BLVRB: variants seen among roughly 807,000 people sequenced by gnomAD.
The protein encoded by BLVRB is biliverdin reductase B, also known as flavin reductase (NADPH).
A neutral mutation model predicts 21.1 loss-of-function variants in BLVRB; 25 were observed. The ratio of observed to expected loss-of-function variants is 1.19; its 90% CI spans 0.86 to 1.66. The LOEUF is 1.66. Ranked by LOEUF, BLVRB falls within the 40% of genes most tolerant of loss-of-function variation. The pLI, the probability that BLVRB is intolerant of heterozygous loss-of-function variation, is 0.00. For missense variants in BLVRB, 274 were observed against 282.7 expected, an observed-to-expected ratio of 0.97 and a Z score of 0.22; for synonymous variants, 128 against 122.2, an observed-to-expected ratio of 1.05 and a Z score of -0.31.
At chr19:40,451,217 C>T in intron 4 of BLVRB, 147 bp downstream of exon 4, 1 of 1,219,164 alleles carries the variant, frequency 8.2e-7, no homozygotes, top group South Asian at 1.5e-5. Context: ...TGCCAGGAAA[C>T]AGGGACAAAG....
At chr19:40,449,953 A>T (rs889745801) in intron 4 of BLVRB, among the ~76,000 whole-genome samples, 1 of 151,478 alleles carries the variant, frequency 6.6e-6, no homozygotes, top group Non-Finnish European at 1.5e-5. Flanking sequence ...TAATCCCAGC[A>T]CTTTGGGAGG....
intron 1 of BLVRB, among the ~76,000 whole-genome samples, 171 bp from the exon 2 acceptor site, chr19:40,458,716 C>T (rs918105365): frequency 6.6e-6 from 1 of 152,064 alleles, no homozygotes; most frequent in Non-Finnish European, 1.5e-5. Flanking sequence ...GTTTTTGAGA[C>T]AGGGTCTTGC....
chr19:40,454,585 A>G (rs968071755), intron 3 of BLVRB, among the ~76,000 whole-genome samples: 2 of 149,546 alleles, frequency 1.3e-5, no homozygotes, highest in East Asian at 2.0e-4. Context: ...TCGCTCTGTC[A>G]CCCAGGCTGG....
intron 3 of BLVRB, among the ~76,000 whole-genome samples, chr19:40,454,264 G>T (rs1473960344): frequency 6.8e-6 from 1 of 147,022 alleles, no homozygotes; most frequent in Non-Finnish European, 1.5e-5. Context: ...GAGTAGCTGG[G>T]ATTACAGGCG....
intron 1 of BLVRB, among the ~76,000 whole-genome samples, chr19:40,460,039 C>A (rs1387260249): frequency 2.6e-5 from 4 of 152,046 alleles, no homozygotes; most frequent in Non-Finnish European, 5.9e-5. Context: ...AGCCTTACTG[C>A]TGGGAAGCCC....
At chr19:40,451,768 G>A (rs2079741266) in intron 3 of BLVRB, among the ~76,000 whole-genome samples, 1 of 152,034 alleles carries the variant, frequency 6.6e-6, no homozygotes, top group Admixed American at 6.6e-5. Context: ...CCTGACCTCA[G>A]GTGATCCACC....
In BLVRB at chr19:40,448,515, A is replaced by T. The variant is rs778656870; in HGVS notation, c.464-469T>A. ...CTGAGGCTGGAGAATTGCTTGAGCC[A>T]GGGAAGTTGAAGCTACAGTGAGCCA... On this transcript the variant is annotated intron_variant, in intron 4 of 4. Transcript: ENST00000263368. Among the ~76,000 whole-genome samples the T allele has an allele frequency of 6.6e-5, 10 of 151,472 alleles. No homozygotes were observed. The East Asian group carries it at 1.2e-3, about 18-fold the overall frequency.
intron 1 of BLVRB, among the ~76,000 whole-genome samples, chr19:40,464,905 G>A (rs533851363): frequency 1.3e-5 from 2 of 152,132 alleles, no homozygotes; most frequent in Non-Finnish European, 2.9e-5. Flanking sequence ...GGGCTGTGGG[G>A]GCAGGGAGTG....
At position 40,447,832 on chromosome 19, in the gene BLVRB, C is replaced by T; in HGVS notation, c.*57G>A. ...AAGCTCTTGGCTCAACATTTATTGC[C>T]CCCTTCCTTTGCTCCTCATGTCCCA... On this transcript the variant is annotated 3_prime_UTR_variant, in exon 5 of 5. Coordinates refer to ENST00000263368, the MANE Select transcript of BLVRB (RefSeq NM_000713.3). 2 of 1,573,904 alleles carry T rather than the reference C, an allele frequency of 1.3e-6. No homozygotes were observed. The highest frequency in any genetic ancestry group is 2.3e-5 in the South Asian group (2 of 88,376).
chr19:40,454,417 T>C (rs1424172253), intron 3 of BLVRB, among the ~76,000 whole-genome samples: 1 of 151,844 alleles, frequency 6.6e-6, no homozygotes, highest in Non-Finnish European at 1.5e-5. Flanking sequence ...CGTGAGCCAC[T>C]GCGCCTGGTC....
At chr19:40,448,477 A>G (rs560755811) in intron 4 of BLVRB, among the ~76,000 whole-genome samples, 110 of 151,814 alleles carry the variant, frequency 7.2e-4, no homozygotes, top group South Asian at 1.2e-3. Context: ...TGTAGTCCCA[A>G]CTACTCAGGA....
intron 3 of BLVRB, 93 bp downstream of exon 3, chr19:40,458,062 A>G (rs918050974): frequency 3.2e-6 from 4 of 1,232,380 alleles, no homozygotes; most frequent in Non-Finnish European, 1.2e-6. Flanking sequence ...GCACAGTAAC[A>G]TGGAATGGCT....
chr19:40,460,600 AAAAT>A (rs1409047034), intron 1 of BLVRB, among the ~76,000 whole-genome samples: 16 of 148,020 alleles, frequency 1.1e-4, no homozygotes, highest in African/African-American at 4.1e-4. Context: ...CTCTGTCTCA[AAAAT>A]AAATAAATAA....
chr19:40,465,570 C>G (rs2079809559), intron 1 of BLVRB, 40 bp downstream of exon 1: 5 of 1,584,544 alleles, frequency 3.2e-6, no homozygotes, highest in Non-Finnish European at 4.3e-6. Context: ...AAGTTCTGCC[C>G]GTCTGTCCCG....
chr19:40,460,247 C>CATATAT lies in BLVRB; in HGVS notation c.80-1708_80-1703dup, dbSNP rs57153004. 1.2e-3 allele frequency among the ~76,000 whole-genome samples: 140 copies of CATATAT among 121,130 alleles called. 4 individuals are homozygous for CATATAT. Among genetic ancestry groups the CATATAT allele is most frequent in the Middle Eastern group, 3.8e-3 (1 of 266 alleles). 79.5% of individuals were successfully genotyped at this position (121,130 alleles called of 152,430 possible). Reference sequence around the variant, plus strand: ...ACATTTGGGTATACTGTAATAGCAACATATATATATATATATATATATATA... The same window carrying CATATAT: ...ACATTTGGGTATACTGTAATAGCAACATATATATATATATATATATATATATATATA... On this transcript the variant is annotated intron_variant, in intron 1 of 4. Coordinates refer to ENST00000263368, the MANE Select transcript of BLVRB (RefSeq NM_000713.3).
chr19:40,448,131 G>T lies in BLVRB; in HGVS notation c.464-85C>A. Reference sequence around the variant, plus strand: ...TCGACCCCCAGAAAGACCTTCCCAGGGTGCCTACTGTGTGTCCAGCCTGGG... The same window carrying T: ...TCGACCCCCAGAAAGACCTTCCCAGTGTGCCTACTGTGTGTCCAGCCTGGG... On this transcript the variant is annotated intron_variant, in intron 4 of 4. Transcript: ENST00000263368. 4 of 1,456,366 alleles carry T rather than the reference G, an allele frequency of 2.7e-6. No individual in the cohort carries two copies. The South Asian group carries it at 3.9e-5, about 14-fold the overall frequency. The allele number at this position is 1,456,366 out of a possible 1,614,324, so 90.2% of individuals were successfully genotyped here.
In BLVRB at chr19:40,465,649, G is replaced by A. The variant is rs774344416; in HGVS notation, c.40C>T (p.Gln14Ter). The change falls in exon 1 of 5, where the codon CAG (glutamine) becomes TAG (stop). Residue 14 changes from glutamine (Q) to a stop codon, truncating the protein, a stop_gained. Coordinates refer to ENST00000263368, the MANE Select transcript of BLVRB (RefSeq NM_000713.3). LOFTEE classifies it high-confidence loss of function. ...KKIAIFGATG[Q>*]TGLTTLAQAV... ...TGCGCCAGGGTGGTGAGCCCGGTCTGGCCAGTGGCGCCGAAGATCGCGATC... is the reference window on the plus strand; with the variant it reads ...TGCGCCAGGGTGGTGAGCCCGGTCTAGCCAGTGGCGCCGAAGATCGCGATC... 7.4e-6 allele frequency: 12 copies of A among 1,612,828 alleles called. No individual in the cohort carries two copies. The highest frequency in any genetic ancestry group is 1.0e-5 in the Non-Finnish European group (12 of 1,179,824).
chr19:40,463,451 T>C (rs918749605), intron 1 of BLVRB, among the ~76,000 whole-genome samples: 1 of 152,204 alleles, frequency 6.6e-6, no homozygotes, highest in African/African-American at 2.4e-5. Flanking sequence ...GTGGGCAGGC[T>C]GGCACCAGAG....
chr19:40,464,135 G>T (rs2079800352), intron 1 of BLVRB, among the ~76,000 whole-genome samples: 2 of 151,994 alleles, frequency 1.3e-5, no homozygotes, highest in Admixed American at 1.3e-4. Flanking sequence ...ACCCAGGCTG[G>T]AGTGCAGTGG....
Sources: gnomAD v4.1 joint callset for allele counts (sites outside exome capture counted in the v4.1 genomes callset) on GRCh38, gnomAD v4.1.1 for gene constraint, MANE v1.5 for transcripts, NCBI Gene and HGNC (gene_info 2026-07-23, HGNC 2026-07-21) for gene names.